The following REDIC1 variants were observed in gnomAD, a reference collection of about 807,000 sequenced individuals.
REDIC1 encodes HEI10 Interacting Protein 1.
At chr12:39,696,542 CAAAAAAAAAAAAAAAAAAAAA>C in the REDIC1 span, among the ~76,000 whole-genome samples, 6 of 11,044 alleles carry the variant, frequency 5.4e-4, no homozygotes, top group East Asian at 6.3e-3. Context: ...GACTCTGTCT[CAAAAAAAAAAAAAAAAAAAAA>C]AAAAAAAAAA....
chr12:39,775,305 C>T, the REDIC1 span, among the ~76,000 whole-genome samples: 7 of 152,170 alleles, frequency 4.6e-5, no homozygotes, highest in East Asian at 3.8e-4. Context: ...TCTTAGGTAA[C>T]GTAAGTTACT....
the REDIC1 span, among the ~76,000 whole-genome samples, chr12:39,681,545 G>A: frequency 6.6e-6 from 1 of 152,174 alleles, no homozygotes; most frequent in South Asian, 2.1e-4. Flanking sequence ...TTTATGTAGA[G>A]TAACAGATAT....
the REDIC1 span, among the ~76,000 whole-genome samples, chr12:39,896,302 ATG>A: frequency 7.0e-6 from 1 of 143,266 alleles, no homozygotes; most frequent in South Asian, 2.2e-4. Context: ...GTGTGTATAT[ATG>A]TATACATATA....
the REDIC1 span, among the ~76,000 whole-genome samples, chr12:39,895,156 A>C: frequency 1.3e-5 from 2 of 151,968 alleles, no homozygotes; most frequent in Non-Finnish European, 2.9e-5. Context: ...GGTGCATATC[A>C]CTGTGCCCAG....
At chr12:39,744,739 A>T in the REDIC1 span, among the ~76,000 whole-genome samples, 1 of 152,254 alleles carries the variant, frequency 6.6e-6, no homozygotes, top group East Asian at 1.9e-4. Flanking sequence ...ATGGAATAAC[A>T]TAAAATGCTC....
At chr12:39,636,129 A>G in the REDIC1 span, among the ~76,000 whole-genome samples, 1 of 152,098 alleles carries the variant, frequency 6.6e-6, no homozygotes, top group African/African-American at 2.4e-5. Flanking sequence ...GCATTCTGAA[A>G]TATCTTCCAC....
chr12:39,698,072 A>C, the REDIC1 span, among the ~76,000 whole-genome samples: 2 of 152,222 alleles, frequency 1.3e-5, no homozygotes, highest in African/African-American at 4.8e-5. Flanking sequence ...AAGATATTCC[A>C]AGCCAATAGA....
the REDIC1 span, among the ~76,000 whole-genome samples, chr12:39,740,858 A>G: frequency 5.9e-5 from 9 of 152,214 alleles, no homozygotes; most frequent in African/African-American, 2.2e-4. Context: ...ATAAAAGTAA[A>G]ACTGATTTTG....
At chr12:39,794,578 C>T in the REDIC1 span, among the ~76,000 whole-genome samples, 1 of 152,140 alleles carries the variant, frequency 6.6e-6, no homozygotes, top group Non-Finnish European at 1.5e-5. Flanking sequence ...TCAAAGAAGG[C>T]AAAGGCAGGT....
chr12:39,767,187 G>C, the REDIC1 span, among the ~76,000 whole-genome samples: 1 of 152,016 alleles, frequency 6.6e-6, no homozygotes. Flanking sequence ...TCCATGGGCT[G>C]CAGAATGGAT....
the REDIC1 span, among the ~76,000 whole-genome samples, chr12:39,711,048 C>T: frequency 6.6e-6 from 1 of 151,392 alleles, no homozygotes; most frequent in African/African-American, 2.4e-5. Flanking sequence ...TTCCTCCTCC[C>T]ACTCTTCCCC....
chr12:39,656,775 T>G, the REDIC1 span, among the ~76,000 whole-genome samples: 1 of 152,110 alleles, frequency 6.6e-6, no homozygotes. Flanking sequence ...TAATGTATGT[T>G]TATGTCCTAG....
chr12:39,719,189 C>T, the REDIC1 span, among the ~76,000 whole-genome samples: 1 of 152,014 alleles, frequency 6.6e-6, no homozygotes, highest in African/African-American at 2.4e-5. Flanking sequence ...GTTCTCAGCA[C>T]TATATTACAG....
the REDIC1 span, among the ~76,000 whole-genome samples, chr12:39,747,167 A>C: frequency 1.3e-5 from 2 of 152,190 alleles, no homozygotes; most frequent in South Asian, 4.1e-4. Context: ...CAAATAAGCT[A>C]AAAATCTTGA....
the REDIC1 span, among the ~76,000 whole-genome samples, chr12:39,763,689 C>T: frequency 2.0e-5 from 3 of 152,076 alleles, no homozygotes; most frequent in Non-Finnish European, 1.5e-5. Flanking sequence ...CCGTCTCTAC[C>T]ACATGGACTT....
At chr12:39,896,474 GTATATGTGTATATATGTACACATA>G in the REDIC1 span, among the ~76,000 whole-genome samples, 3 of 144,052 alleles carry the variant, frequency 2.1e-5, no homozygotes, top group African/African-American at 7.7e-5. Context: ...ATACATATAT[GTATATGTGTATATATGTACACATA>G]TATGTATGTA....
At chr12:39,753,197 T>G in the REDIC1 span, among the ~76,000 whole-genome samples, 2 of 152,164 alleles carry the variant, frequency 1.3e-5, no homozygotes, top group Non-Finnish European at 2.9e-5. Context: ...AGTGGAAAAG[T>G]ACACAAAACA....
the REDIC1 span, among the ~76,000 whole-genome samples, chr12:39,781,794 A>T: frequency 6.6e-6 from 1 of 152,212 alleles, no homozygotes; most frequent in African/African-American, 2.4e-5. Flanking sequence ...GGTGGAAAGG[A>T]TCTGGTAGCA....
the REDIC1 span, among the ~76,000 whole-genome samples, chr12:39,837,202 T>G: frequency 3.3e-5 from 5 of 150,198 alleles, no homozygotes; most frequent in African/African-American, 9.9e-5. Context: ...TACAACTATC[T>G]GATCTTTGAG....
Sources: allele counts gnomAD v4.1 joint callset (sites outside exome capture counted in the v4.1 genomes callset), GRCh38; gene constraint gnomAD v4.1.1; transcripts MANE v1.5; gene names NCBI Gene and HGNC (gene_info 2026-07-23, HGNC 2026-07-21).